The following ALPK2 variants were observed in gnomAD, a reference collection of about 807,000 sequenced individuals.
ALPK2 encodes alpha-protein kinase 2.
In ALPK2, 127 loss-of-function variants were observed where a neutral mutation model predicts 163.1. That is an observed-to-expected ratio of 0.78 (90% CI 0.67 to 0.90). The LOEUF (loss-of-function observed/expected upper bound fraction) is 0.90. Ranked by LOEUF, ALPK2 falls within the 40% of genes least tolerant of loss-of-function variation. The probability of loss-of-function intolerance (pLI) is 0.00; values close to 1 mark genes in which losing one functional copy is unlikely to be tolerated. For missense variants in ALPK2, 2,360 were observed against 2,589.6 expected (o/e 0.91, Z 1.92); for synonymous variants, 953 against 959.1 (o/e 0.99, Z 0.12).
At chr18:58,564,972 T>A (rs2144180669) in intron 4 of ALPK2, among the ~76,000 whole-genome samples, 2 of 152,372 alleles carry the variant, frequency 1.3e-5, no homozygotes, top group East Asian at 3.8e-4. Flanking sequence ...TTTGAATGTA[T>A]TCTTCCAGAT....
intron 12 of ALPK2, among the ~76,000 whole-genome samples, chr18:58,485,489 G>C (rs749799180): frequency 1.1e-4 from 16 of 152,214 alleles, no homozygotes; most frequent in Non-Finnish European, 8.8e-5. Context: ...CTGGCTGGGG[G>C]ACTGCTCTGC....
chr18:58,562,691 G>A (rs1008235584), intron 4 of ALPK2, among the ~76,000 whole-genome samples: 2 of 152,200 alleles, frequency 1.3e-5, no homozygotes, highest in African/African-American at 4.8e-5. Context: ...TATCACAAAG[G>A]GCCGTATATT....
intron 3 of ALPK2, among the ~76,000 whole-genome samples, chr18:58,590,919 C>T (rs1306699250): frequency 6.6e-6 from 1 of 152,226 alleles, no homozygotes; most frequent in Non-Finnish European, 1.5e-5. Flanking sequence ...CCAGGGCTGA[C>T]CCCTGAGGCT....
chr18:58,493,840 A>G (rs1007476783), intron 12 of ALPK2, among the ~76,000 whole-genome samples: 1 of 152,168 alleles, frequency 6.6e-6, no homozygotes, highest in Non-Finnish European at 1.5e-5. Flanking sequence ...GGCTGTCCAT[A>G]TTAATCTTAT....
intron 1 of ALPK2, among the ~76,000 whole-genome samples, chr18:58,621,772 C>T (rs71365367): frequency 0.13 from 19,920 of 152,126 alleles, 1,786 homozygotes; most frequent in Non-Finnish European, 0.2. Context: ...TTTCTGGATA[C>T]CTTGAATTTA....
chr18:58,511,832 A>T (rs1284497870), intron 10 of ALPK2: 2 of 152,150 alleles, frequency 1.3e-5, no homozygotes, highest in African/African-American at 4.8e-5. Flanking sequence ...CATGAAGAGG[A>T]CACAGAGGCT....
At chr18:58,504,252 T>C in intron 10 of ALPK2, 104 bp from the exon 11 acceptor site, 1 of 923,940 alleles carries the variant, frequency 1.1e-6, no homozygotes, top group East Asian at 2.5e-5. Flanking sequence ...ATAGAATTTG[T>C]CCCCAATTCT....
At chr18:58,491,420 C>A (rs2051374268) in intron 12 of ALPK2, among the ~76,000 whole-genome samples, 2 of 152,180 alleles carry the variant, frequency 1.3e-5, no homozygotes, top group African/African-American at 4.8e-5. Context: ...TAAACTTCCC[C>A]AGTTTCTCCT....
rs570376271 is a variant in ALPK2 at position 58,488,109 on chromosome 18, G to A, written c.6297-6070C>T. ...CAAGGAGATAAACTACTCAAAAGTG[G>A]TGATCTACACTCATCTCTATTTGAC... On this transcript the variant is annotated intron_variant, in intron 12 of 12. Transcript: ENST00000361673. Among the ~76,000 whole-genome samples the A allele has an allele frequency of 4.4e-4, 66 of 150,348 alleles. 1 individual carries two copies. The highest frequency in any genetic ancestry group is 3.4e-3 in the Middle Eastern group (1 of 292).
At chr18:58,519,749 A>G (rs2051539955) in intron 8 of ALPK2, among the ~76,000 whole-genome samples, 1 of 152,230 alleles carries the variant, frequency 6.6e-6, no homozygotes, top group African/African-American at 2.4e-5. Context: ...GCTGAAACTC[A>G]TCTATTGGGC....
chr18:58,535,678 T>C lies in ALPK2; in HGVS notation c.4509A>G (p.Arg1503=), dbSNP rs1238066884. 6.2e-7 allele frequency: 1 copy of C among 1,614,266 alleles called. No individual in the cohort carries two copies. Reference sequence around the variant, plus strand: ...GGCCTATGCTACATCCACTTGGAATTCTTTCACCGCCTTCGCTGGGTTGCA... The same window carrying C: ...GGCCTATGCTACATCCACTTGGAATCCTTTCACCGCCTTCGCTGGGTTGCA... ...QVLQPSEGGE[R]IPSGCSIGQI... Residue 1503 remains arginine (R), a synonymous_variant, in exon 5 of 13, where the codon AGA becomes AGG. Coordinates refer to ENST00000361673, the MANE Select transcript of ALPK2 (RefSeq NM_052947.4).
intron 12 of ALPK2, among the ~76,000 whole-genome samples, chr18:58,494,437 T>C (rs2051391382): frequency 6.6e-6 from 1 of 152,210 alleles, no homozygotes; most frequent in Non-Finnish European, 1.5e-5. Flanking sequence ...TCTATTTTAT[T>C]TTATGAGATT....
At chr18:58,567,819 C>T (rs532910180) in intron 4 of ALPK2, among the ~76,000 whole-genome samples, 10 of 152,330 alleles carry the variant, frequency 6.6e-5, no homozygotes, top group African/African-American at 2.4e-4. Flanking sequence ...GCAGCCTGCC[C>T]TCAGTGGTCC....
chr18:58,484,918 G>A (rs1292995973), intron 12 of ALPK2, among the ~76,000 whole-genome samples: 4 of 152,192 alleles, frequency 2.6e-5, no homozygotes, highest in Non-Finnish European at 5.9e-5. Flanking sequence ...CGGGCTTCCT[G>A]TGGAAGAGAC....
intron 3 of ALPK2, among the ~76,000 whole-genome samples, chr18:58,586,944 C>T (rs907013133): frequency 1.3e-5 from 2 of 151,980 alleles, no homozygotes; most frequent in Non-Finnish European, 2.9e-5. Context: ...ATGCATAAGG[C>T]TGTGAGCAGC....
At chr18:58,549,700 G>A (rs2051739817) in intron 4 of ALPK2, among the ~76,000 whole-genome samples, 1 of 152,184 alleles carries the variant, frequency 6.6e-6, no homozygotes, top group African/African-American at 2.4e-5. Context: ...GAGATGAGTG[G>A]AAAATAACAA....
intron 3 of ALPK2, among the ~76,000 whole-genome samples, chr18:58,602,694 A>T (rs1280400769): frequency 1.3e-5 from 2 of 152,188 alleles, no homozygotes; most frequent in Non-Finnish European, 2.9e-5. Flanking sequence ...GGGTAAACTA[A>T]GGCTGAGACC....
intron 4 of ALPK2, among the ~76,000 whole-genome samples, chr18:58,571,710 C>G (rs2051886762): frequency 6.6e-6 from 1 of 151,972 alleles, no homozygotes; most frequent in East Asian, 1.9e-4. Context: ...AAATTACAGA[C>G]TAGGAGAAAA....
At chr18:58,620,147 C>G (rs570083465) in intron 1 of ALPK2, among the ~76,000 whole-genome samples, 7 of 152,086 alleles carry the variant, frequency 4.6e-5, no homozygotes, top group Non-Finnish European at 8.8e-5. Flanking sequence ...AAAAATTAGC[C>G]GGGCATGGTG....
Sources: gnomAD v4.1 joint callset for allele counts (sites outside exome capture counted in the v4.1 genomes callset) on GRCh38, gnomAD v4.1.1 for gene constraint, MANE v1.5 for transcripts, NCBI Gene and HGNC (gene_info 2026-07-23, HGNC 2026-07-21) for gene names.